FER: variants seen among roughly 807,000 people sequenced by gnomAD.
FER encodes the protein FER tyrosine kinase.
Under a neutral mutation model 111.0 loss-of-function variants are expected in FER, and 63 were observed. The ratio of observed to expected loss-of-function variants is 0.57; its 90% CI spans 0.46 to 0.70. The LOEUF is 0.70. FER is among the 30% of genes least tolerant of loss of function. The probability of loss-of-function intolerance (pLI) is 0.00; values close to 1 mark genes in which losing one functional copy is unlikely to be tolerated. For missense variants in FER, 914 were observed against 954.0 expected (o/e 0.96, Z 0.55); for synonymous variants, 327 against 313.9 (o/e 1.04, Z -0.44).
chr5:108,968,637 C>T (rs531741411), intron 13 of FER, among the ~76,000 whole-genome samples: 1 of 151,558 alleles, frequency 6.6e-6, no homozygotes, highest in East Asian at 1.9e-4. Context: ...AAAATCAAAC[C>T]CACAATCAAA....
At chr5:108,941,180 ATCTC>A (rs942043053) in intron 10 of FER, among the ~76,000 whole-genome samples, 10 of 152,172 alleles carry the variant, frequency 6.6e-5, no homozygotes, top group Admixed American at 5.9e-4. Context: ...AGGAAAACTG[ATCTC>A]TCTCAAAGTA....
rs561087898 is a variant in FER at position 108,992,621 on chromosome 5, G to A, written c.1656+33274G>A. Among the ~76,000 whole-genome samples, 39 of 148,376 alleles carry A rather than the reference G, an allele frequency of 2.6e-4. No individual in the cohort carries two copies. The South Asian group carries it at 3.8e-3, about 14-fold the overall frequency. On this transcript the variant is annotated intron_variant, in intron 13 of 19. Coordinates refer to ENST00000281092, the MANE Select transcript of FER (RefSeq NM_005246.4). Reference sequence around the variant, plus strand: ...TACCTCCCAGATGGGGCGGCTGGCCGGGCGGGGGGCTGACCACCCCACCTC... The same window carrying A: ...TACCTCCCAGATGGGGCGGCTGGCCAGGCGGGGGGCTGACCACCCCACCTC...
chr5:108,869,187 A>G (rs1764364928), intron 6 of FER, among the ~76,000 whole-genome samples: 1 of 152,144 alleles, frequency 6.6e-6, no homozygotes, highest in African/African-American at 2.4e-5. Context: ...GCAGTTTGCA[A>G]AGCACTTTCA....
intron 17 of FER, among the ~76,000 whole-genome samples, chr5:109,146,845 G>T (rs1399883820): frequency 6.6e-6 from 1 of 151,974 alleles, no homozygotes; most frequent in African/African-American, 2.4e-5. Context: ...CATTACCTCA[G>T]ACCTGATGGA....
chr5:108,883,881 A>G (rs1765917760), intron 9 of FER, among the ~76,000 whole-genome samples: 1 of 152,002 alleles, frequency 6.6e-6, no homozygotes, highest in South Asian at 2.1e-4. Flanking sequence ...TGGCAGACCA[A>G]TATTACCTAT....
intron 9 of FER, among the ~76,000 whole-genome samples, chr5:108,892,859 G>C (rs922895787): frequency 3.4e-4 from 52 of 152,130 alleles, no homozygotes; most frequent in Non-Finnish European, 7.1e-4. Flanking sequence ...GTGTAAGGAA[G>C]GGATCCAGTT....
At chr5:109,014,509 G>T (rs1766761371) in intron 13 of FER, among the ~76,000 whole-genome samples, 1 of 152,100 alleles carries the variant, frequency 6.6e-6, no homozygotes, top group African/African-American at 2.4e-5. Context: ...TTGAAGTCAG[G>T]TAGCGTGATG....
intron 17 of FER, among the ~76,000 whole-genome samples, chr5:109,166,272 A>C (rs1471685549): frequency 6.6e-6 from 1 of 152,010 alleles, no homozygotes; most frequent in Non-Finnish European, 1.5e-5. Flanking sequence ...GAAGAGGGAA[A>C]ATTTAGGTTT....
intron 17 of FER, among the ~76,000 whole-genome samples, chr5:109,171,991 C>T (rs1270123663): frequency 6.6e-6 from 1 of 152,116 alleles, no homozygotes; most frequent in Non-Finnish European, 1.5e-5. Context: ...ACAACAGGTG[C>T]TGGAGAGGAT....
At chr5:109,140,795 A>G (rs779972000) in intron 17 of FER, among the ~76,000 whole-genome samples, 2 of 152,202 alleles carry the variant, frequency 1.3e-5, no homozygotes, top group Admixed American at 1.3e-4. Context: ...TATTTAAATC[A>G]TAATGAATTG....
intron 14 of FER, among the ~76,000 whole-genome samples, chr5:109,038,633 G>A (rs1474599610): frequency 6.6e-6 from 1 of 151,860 alleles, no homozygotes; most frequent in Non-Finnish European, 1.5e-5. Flanking sequence ...TGACTCATAT[G>A]TTATTTCCTC....
intron 13 of FER, among the ~76,000 whole-genome samples, chr5:109,018,408 G>T (rs1050966170): frequency 1.3e-5 from 2 of 151,756 alleles, no homozygotes; most frequent in Non-Finnish European, 3.0e-5. Flanking sequence ...TCTTACCATT[G>T]GGACTACACA....
At chr5:108,993,428 A>G (rs1763534145) in intron 13 of FER, among the ~76,000 whole-genome samples, 1 of 152,132 alleles carries the variant, frequency 6.6e-6, no homozygotes, top group South Asian at 2.1e-4. Flanking sequence ...AATCGCAGGC[A>G]CTCGCCAGGC....
At chr5:108,878,351 C>T (rs1765306391) in intron 8 of FER, among the ~76,000 whole-genome samples, 2 of 151,984 alleles carry the variant, frequency 1.3e-5, no homozygotes, top group Admixed American at 1.3e-4. Context: ...CCATCACTAC[C>T]TTCTAGGTTT....
intron 9 of FER, chr5:108,894,336 A>T (rs903030606): frequency 2.1e-6 from 2 of 954,502 alleles, no homozygotes; most frequent in African/African-American, 1.7e-5. Context: ...GAAGAGGAGG[A>T]GGAGCCATCA....
chr5:108,807,507 C>T (rs572830904), intron 3 of FER, among the ~76,000 whole-genome samples: 7 of 152,198 alleles, frequency 4.6e-5, no homozygotes, highest in African/African-American at 9.6e-5. Context: ...TTTCATTTTC[C>T]GTCTTTTTCT....
intron 18 of FER, among the ~76,000 whole-genome samples, chr5:109,183,998 T>TA (rs575269047): frequency 8.6e-5 from 13 of 151,468 alleles, no homozygotes; most frequent in Admixed American, 3.3e-4. Flanking sequence ...TCATATACTT[T>TA]AAAAAAAAAT....
intron 13 of FER, among the ~76,000 whole-genome samples, chr5:109,016,259 A>T (rs9326757): frequency 0.57 from 87,060 of 151,670 alleles, 25,804 homozygotes; most frequent in African/African-American, 0.66. Flanking sequence ...TGGACAACTT[A>T]ATCCATCCCA....
intron 5 of FER, among the ~76,000 whole-genome samples, chr5:108,859,816 C>G (rs745322282): frequency 6.6e-6 from 1 of 151,854 alleles, no homozygotes; most frequent in African/African-American, 2.4e-5. Context: ...TATTTCAGTT[C>G]TCTGAACAGT....
Sources: allele counts gnomAD v4.1 joint callset (sites outside exome capture counted in the v4.1 genomes callset), GRCh38; gene constraint gnomAD v4.1.1; transcripts MANE v1.5; gene names NCBI Gene and HGNC (gene_info 2026-07-23, HGNC 2026-07-21).